The following CRB2 variants were observed in gnomAD, a reference collection of about 807,000 sequenced individuals.
CRB2 encodes crumbs cell polarity complex component 2, also known as protein crumbs homolog 2.
CRB2 carries 85 observed loss-of-function variants against 110.9 expected under a neutral mutation model. The observed-to-expected ratio is 0.77, with a 90% CI of 0.64 to 0.92. CRB2 has a LOEUF of 0.92. CRB2 is among the 40% of genes least tolerant of loss of function. The pLI is 0.00. For synonymous variants in CRB2, 907 were observed against 831.0 expected (o/e 1.09, Z -1.57); for missense variants, 1,843 against 1,851.3 (o/e 1.00, Z 0.08).
At position 123,366,400 on chromosome 9, in the gene CRB2, G is replaced by T. The variant is rs11790447; in HGVS notation, c.754+34G>T. The T allele has an allele frequency of 3.3e-6, 5 of 1,521,226 alleles. No individual in the cohort carries two copies. In the African/African-American group the frequency reaches 5.8e-5, roughly 17 times the overall value. 94.2% of individuals were successfully genotyped at this position (1,521,226 alleles called of 1,614,324 possible). A position where few individuals can be genotyped will look rare whatever the true frequency, so the allele number is the denominator to read the frequency against. ...GTGCAGGTGCGCGGCCTGGCGGGGGGAGGGGTAGGTGTGCGCCTGTGCGGC... is the reference window on the plus strand; with the variant it reads ...GTGCAGGTGCGCGGCCTGGCGGGGGTAGGGGTAGGTGTGCGCCTGTGCGGC... On this transcript the variant is annotated intron_variant, in intron 4 of 12. Coordinates refer to ENST00000373631, the MANE Select transcript of CRB2 (RefSeq NM_173689.7).
At chr9:123,376,773 C>T (rs1391085217) in intron 12 of CRB2, 65 bp from the exon 13 acceptor site, 1 of 1,436,078 alleles carries the variant, frequency 7.0e-7, no homozygotes, top group Non-Finnish European at 9.5e-7. Context: ...GCTCTCTGCT[C>T]TCTGAGGGCC....
chr9:123,358,791 A>C (rs1335241917), intron 1 of CRB2, among the ~76,000 whole-genome samples: 1 of 152,212 alleles, frequency 6.6e-6, no homozygotes. Context: ...GTCTCTACAA[A>C]ACGAGGACAG....
In CRB2 at chr9:123,377,097, C is replaced by T. The variant is rs753376800; in HGVS notation, c.*35C>T. On this transcript the variant is annotated 3_prime_UTR_variant, in exon 13 of 13. Transcript: ENST00000373631. ...GCTGCTGGCACCAGCACCTGGAGGT[C>T]CTGAATGGTTTCTACCTGGAGACCC... is the stretch of plus-strand genomic sequence containing the variant. The T allele has an allele frequency of 4.0e-6, 6 of 1,486,876 alleles. No individual in the cohort carries two copies. The Admixed American group carries it at 1.4e-4, about 35-fold the overall frequency. 92.1% of individuals were successfully genotyped at this position (1,486,876 alleles called of 1,614,324 possible).
chr9:123,371,919 C>G (rs555931021), intron 8 of CRB2, among the ~76,000 whole-genome samples: 1 of 152,296 alleles, frequency 6.6e-6, no homozygotes, highest in South Asian at 2.1e-4. Context: ...ATTCCACCAA[C>G]CCTGGAGTTA....
In CRB2 at chr9:123,377,345, C is replaced by G. The variant is rs1198607168; in HGVS notation, c.*283C>G. On this transcript the variant is annotated 3_prime_UTR_variant, in exon 13 of 13. Transcript: ENST00000373631. ...GGCACACGTGGGTTCACAGTGTGTT[C>G]AGGAGTGTGTGTATCTGGAGGAGTG... The G allele has an allele frequency of 4.7e-6, 2 of 425,476 alleles. No homozygotes were observed. The highest frequency in any genetic ancestry group is 8.4e-6 in the Non-Finnish European group (2 of 237,324). The allele number at this position is 425,476 out of a possible 1,614,324, so 26.4% of individuals were successfully genotyped here.
Position 123,365,970 on chromosome 9 carries a change from G to T in CRB2, c.472G>T (p.Gly158Trp). ...DECASAPCLH[G>W]GSCLDGVGSF... ...GTGCGCCTCAGCGCCCTGCCTGCAC[G>T]GGGGCTCGTGCCTGGACGGCGTGGG... The change falls in exon 3 of 13, where the codon GGG (glycine) becomes TGG (tryptophan). Residue 158 changes from glycine (G) to tryptophan (W), a missense_variant. Coordinates refer to ENST00000373631, the MANE Select transcript of CRB2 (RefSeq NM_173689.7). The T allele has an allele frequency of 6.3e-7, 1 of 1,597,574 alleles. No individual in the cohort carries two copies. Among genetic ancestry groups the T allele is most frequent in the Non-Finnish European group, 8.5e-7 (1 of 1,179,106 alleles).
chr9:123,366,232 G>T lies in CRB2; in HGVS notation c.620G>T (p.Arg207Leu). The T allele has an allele frequency of 6.8e-7, 1 of 1,463,880 alleles. No homozygotes were observed. Among genetic ancestry groups the T allele is most frequent in the Non-Finnish European group, 8.9e-7 (1 of 1,117,456 alleles). 90.7% of individuals were successfully genotyped at this position (1,463,880 alleles called of 1,614,324 possible). A position where few individuals can be genotyped will look rare whatever the true frequency, so the allele number is the denominator to read the frequency against. ...CGCCGGTGCGCCCTCCCCAGGTTCCGGTGCGACTGCGCGGGCACCGGCTAC... is the reference window on the plus strand; with the variant it reads ...CGCCGGTGCGCCCTCCCCAGGTTCCTGTGCGACTGCGCGGGCACCGGCTAC... Reference protein sequence around the residue: ...GTCHDLVNGFRCDCAGTGYEG... With the variant: ...GTCHDLVNGFLCDCAGTGYEG... Residue 207 changes from arginine (R) to leucine (L), a missense_variant, in exon 4 of 13, where the codon CGG becomes CTG. By Grantham distance (102) the Arg-to-Leu change is moderately radical. Transcript: ENST00000373631.
rs1338486352 is a variant in CRB2, at chr9:123,370,279, C to A, written c.1226C>A (p.Ala409Asp). 3 of 1,613,268 alleles carry A rather than the reference C, an allele frequency of 1.9e-6. No homozygotes were observed. Among genetic ancestry groups the A allele is most frequent in the Non-Finnish European group, 2.5e-6 (3 of 1,180,036 alleles). Residue 409 changes from alanine (A) to aspartate (D), a missense_variant, in exon 7 of 13, where the codon GCC becomes GAC. Ala to Asp is a moderately radical substitution (Grantham distance 126). Transcript: ENST00000373631. ...GCQGHTCPLA[A>D]TCIPIFESGV... The stretch of plus-strand genomic sequence containing the variant: ...CAGGGCCACACCTGCCCGCTGGCTG[C>A]CACCTGCATCCCTATCTTCGAGTCT...
intron 5 of CRB2, 64 bp downstream of exon 5, chr9:123,367,421 A>ACCCCCCCC (rs1554782974): frequency 1.5e-5 from 9 of 608,048 alleles, no homozygotes; most frequent in African/African-American, 9.3e-5. Flanking sequence ...TCTTGTGCCC[A>ACCCCCCCC]CCCCCCCACC....
At chr9:123,360,869 A>G (rs952443189) in intron 1 of CRB2, among the ~76,000 whole-genome samples, 1 of 152,168 alleles carries the variant, frequency 6.6e-6, no homozygotes, top group African/African-American at 2.4e-5. Context: ...CCCAGGCAGG[A>G]CTGTGGCACT....
chr9:123,377,776 C>T lies in CRB2; in HGVS notation c.*714C>T, dbSNP rs884320. 0.027 allele frequency: 4,184 copies of T among 152,406 alleles called. 257 individuals carry two copies. Among genetic ancestry groups the T allele is most frequent in the East Asian group, 0.17 (894 of 5,184 alleles). The allele number at this position is 152,406 out of a possible 1,614,324, so 9.4% of individuals were successfully genotyped here. On this transcript the variant is annotated 3_prime_UTR_variant, in exon 13 of 13. Transcript: ENST00000373631. Reference sequence around the variant, plus strand: ...GCGAGGGAACCACAGACCCACCCGCCCCCTCAGCCGGAGCAGCCCGAGGGA... The same window carrying T: ...GCGAGGGAACCACAGACCCACCCGCTCCCTCAGCCGGAGCAGCCCGAGGGA...
In CRB2 at chr9:123,373,887, G is replaced by A. The variant is rs1327981591; in HGVS notation, c.3356G>A (p.Arg1119His). 7 of 1,548,312 alleles carry A rather than the reference G, an allele frequency of 4.5e-6. No homozygotes were observed. Among genetic ancestry groups the A allele is most frequent in the South Asian group, 3.5e-5 (3 of 84,572 alleles). The change falls in exon 10 of 13, where the codon CGC becomes CAC. Residue 1119 changes from arginine to histidine, a missense_variant. By Grantham distance (29) the Arg-to-His change is conservative. Transcript: ENST00000373631. Reference protein sequence around the residue: ...HTHPDGRFECRCPPGFGGPRC... With the variant: ...HTHPDGRFECHCPPGFGGPRC... ...CACCCCGACGGCCGCTTCGAGTGCCGCTGCCCGCCTGGCTTCGGGGGCCCG... is the reference window on the plus strand; with the variant it reads ...CACCCCGACGGCCGCTTCGAGTGCCACTGCCCGCCTGGCTTCGGGGGCCCG...
chr9:123,379,102 G>A (rs886232062), downstream of CRB2, among the ~76,000 whole-genome samples: 12 of 118,752 alleles, frequency 1.0e-4, no homozygotes, highest in African/African-American at 1.8e-4. Context: ...ACCGCGCCCG[G>A]CCCGCGTGCC....
intron 6 of CRB2, chr9:123,368,733 C>G: frequency 1.9e-6 from 2 of 1,079,862 alleles, no homozygotes; most frequent in Non-Finnish European, 2.3e-6. Flanking sequence ...TGCCCATCCT[C>G]CCTCCCTTTA....
chr9:123,354,859 G>C (rs904807572), upstream of CRB2, among the ~76,000 whole-genome samples: 1 of 152,146 alleles, frequency 6.6e-6, no homozygotes, highest in Non-Finnish European at 1.5e-5. Context: ...CGGGCTAGAG[G>C]GTCGGCCAGG....
At chr9:123,367,877 G>A (rs2132764630) in intron 6 of CRB2, among the ~76,000 whole-genome samples, 191 bp downstream of exon 6, 1 of 152,238 alleles carries the variant, frequency 6.6e-6, no homozygotes, top group South Asian at 2.1e-4. Context: ...GCTCAGGAGT[G>A]TAGTCCTGGC....
chr9:123,366,198 G>A (rs1480605611), intron 3 of CRB2, 29 bp from the exon 4 acceptor site: 2 of 1,394,344 alleles, frequency 1.4e-6, no homozygotes, highest in Non-Finnish European at 1.8e-6. Context: ...GCAGGCGCGC[G>A]CTCAGCTCCG....
chr9:123,354,482 G>A (rs765930251), upstream of CRB2, among the ~76,000 whole-genome samples: 11 of 152,324 alleles, frequency 7.2e-5, no homozygotes, highest in Admixed American at 1.3e-4. Flanking sequence ...GCTCACTAAC[G>A]CCACCATTTT....
chr9:123,364,340 A>G (rs1011149235), intron 2 of CRB2, among the ~76,000 whole-genome samples: 11 of 150,132 alleles, frequency 7.3e-5, no homozygotes, highest in African/African-American at 2.4e-4. Flanking sequence ...TTGTGTGGGC[A>G]GTGGGTTGTG....
Sources: allele counts gnomAD v4.1 joint callset (sites outside exome capture counted in the v4.1 genomes callset), GRCh38; gene constraint gnomAD v4.1.1; transcripts MANE v1.5; gene names NCBI Gene and HGNC (gene_info 2026-07-23, HGNC 2026-07-21).